VAC14: variants seen among roughly 807,000 people sequenced by gnomAD.
The protein encoded by VAC14 is VAC14 component of PIKFYVE complex, also known as protein VAC14 homolog.
A neutral mutation model predicts 85.3 loss-of-function variants in VAC14; 47 were observed. The observed-to-expected ratio is 0.55, with a 90% confidence interval of 0.44 to 0.70. VAC14 has a LOEUF of 0.70. VAC14 is among the 30% of genes least tolerant of loss of function. VAC14 has a pLI of 0.00. For missense variants in VAC14, 861 were observed against 1,004.3 expected (o/e 0.86, Z 1.93); for synonymous variants, 447 against 430.5 (o/e 1.04, Z -0.47).
intron 14 of VAC14, among the ~76,000 whole-genome samples, chr16:70,724,869 G>A (rs2054382952): frequency 1.3e-5 from 2 of 152,224 alleles, no homozygotes; most frequent in Non-Finnish European, 2.9e-5. Flanking sequence ...TCAGCTGGGG[G>A]CCCAATCGAT....
Position 70,800,912 on chromosome 16 carries a change from G to A in VAC14, c.-12C>T. 1.3e-6 allele frequency: 2 copies of A among 1,569,780 alleles called. No individual in the cohort carries two copies. The highest frequency in any genetic ancestry group is 1.7e-6 in the Non-Finnish European group (2 of 1,156,752). ...TTCTCGGGGTTCATGGTGGCAGCTG[G>A]GGGAACCTCGCGACTCCTTAGCCCG... On this transcript the variant is annotated 5_prime_UTR_variant, in exon 1 of 19. Transcript: ENST00000261776.
intron 10 of VAC14, chr16:70,769,917 C>T (rs1253355772): frequency 6.6e-6 from 1 of 152,320 alleles, no homozygotes; most frequent in Non-Finnish European, 1.5e-5. Flanking sequence ...TTTTAAATCC[C>T]AGATCAGATC....
At chr16:70,698,066 T>C (rs2053750029) in intron 15 of VAC14, among the ~76,000 whole-genome samples, 1 of 152,164 alleles carries the variant, frequency 6.6e-6, no homozygotes, top group Non-Finnish European at 1.5e-5. Flanking sequence ...GAGTGTCCTT[T>C]CTGCTCTCTC....
chr16:70,713,030 G>A (rs1355201431), intron 14 of VAC14, among the ~76,000 whole-genome samples: 1 of 152,140 alleles, frequency 6.6e-6, no homozygotes, highest in Non-Finnish European at 1.5e-5. Flanking sequence ...CAACAGCCAG[G>A]AAAAGGTATT....
intron 14 of VAC14, among the ~76,000 whole-genome samples, chr16:70,709,843 C>T (rs151037509): frequency 3.3e-5 from 5 of 152,180 alleles, no homozygotes; most frequent in Non-Finnish European, 5.9e-5. Context: ...TGATACATTC[C>T]CTGGCTGACA....
chr16:70,754,214 T>C (rs2031638944), intron 12 of VAC14, among the ~76,000 whole-genome samples: 1 of 152,164 alleles, frequency 6.6e-6, no homozygotes, highest in South Asian at 2.1e-4. Context: ...CTGGGGTGGC[T>C]GCTGTGGGCA....
At chr16:70,710,303 T>C (rs1307933704) in intron 14 of VAC14, among the ~76,000 whole-genome samples, 1 of 152,134 alleles carries the variant, frequency 6.6e-6, no homozygotes, top group East Asian at 1.9e-4. Flanking sequence ...CCCTGCAGCT[T>C]GTATGCCCAG....
At position 70,771,981 on chromosome 16, in the gene VAC14, C is replaced by T. The variant is rs374178361; in HGVS notation, c.1160+128G>A. On this transcript the variant is annotated intron_variant, in intron 10 of 18. Transcript: ENST00000261776. ...CTTCATCAATTAACTCTTTTGTGTACGAGGGTGTCCCAAAAGCAGCAGCCG... is the reference window on the plus strand; with the variant it reads ...CTTCATCAATTAACTCTTTTGTGTATGAGGGTGTCCCAAAAGCAGCAGCCG... The T allele has an allele frequency of 6.0e-4, 479 of 792,388 alleles. 3 individuals are homozygous for T. In the African/African-American group the frequency reaches 7.0e-3, roughly 12 times the overall value. The allele number at this position is 792,388 out of a possible 1,614,324, so 49.1% of individuals were successfully genotyped here.
intron 9 of VAC14, 146 bp from the exon 10 acceptor site, chr16:70,772,318 G>A: frequency 1.5e-6 from 1 of 654,416 alleles, no homozygotes; most frequent in East Asian, 2.7e-5. Context: ...CTGGAGCCCT[G>A]AGGACCCAAC....
chr16:70,710,049 C>T (rs1047943130), intron 14 of VAC14, among the ~76,000 whole-genome samples: 2 of 152,202 alleles, frequency 1.3e-5, no homozygotes, highest in African/African-American at 2.4e-5. Context: ...CACGAGGAGG[C>T]CGCCACCGCC....
chr16:70,794,930 A>G (rs760422891), intron 1 of VAC14, among the ~76,000 whole-genome samples: 5 of 152,264 alleles, frequency 3.3e-5, no homozygotes. Flanking sequence ...GTGGACCCGT[A>G]AGATGATAAT....
chr16:70,692,106 T>C, intron 18 of VAC14: 1 of 981,820 alleles, frequency 1.0e-6, no homozygotes, highest in Non-Finnish European at 1.2e-6. Context: ...AGGCAAAGCC[T>C]CCAAGGGTTA....
Position 70,743,756 on chromosome 16 carries a change from G to A in VAC14, c.1528+667C>T, listed in dbSNP as rs547585581. Among the ~76,000 whole-genome samples, 42 of 152,262 alleles carry A rather than the reference G, an allele frequency of 2.8e-4. 1 individual carries two copies. Among genetic ancestry groups the A allele is most frequent in the Middle Eastern group, 6.8e-3 (2 of 294 alleles). On this transcript the variant is annotated intron_variant, in intron 13 of 18. Coordinates refer to ENST00000261776, the MANE Select transcript of VAC14 (RefSeq NM_018052.5). Reference sequence around the variant, plus strand: ...TGTGGATGTCCAGAGGGGCGCAATGGACAGAGACCCCCATGGAGACACCTG... The same window carrying A: ...TGTGGATGTCCAGAGGGGCGCAATGAACAGAGACCCCCATGGAGACACCTG...
At chr16:70,749,916 G>A (rs2031241316) in intron 12 of VAC14, among the ~76,000 whole-genome samples, 4 of 152,262 alleles carry the variant, frequency 2.6e-5, no homozygotes, top group Admixed American at 2.6e-4. Flanking sequence ...GGCCCTGGGA[G>A]GCAACCTCAA....
At chr16:70,719,705 T>A (rs1458464911) in intron 14 of VAC14, among the ~76,000 whole-genome samples, 2 of 152,112 alleles carry the variant, frequency 1.3e-5, no homozygotes. Flanking sequence ...ATGGCTAAAA[T>A]CAAAGACTGA....
At chr16:70,799,887 G>T (rs1340006497) in intron 1 of VAC14, among the ~76,000 whole-genome samples, 1 of 152,232 alleles carries the variant, frequency 6.6e-6, no homozygotes, top group Non-Finnish European at 1.5e-5. Context: ...TGAAATACGG[G>T]TAGTGTGACT....
At chr16:70,785,271 G>A (rs1009087686) in intron 3 of VAC14, among the ~76,000 whole-genome samples, 5 of 152,288 alleles carry the variant, frequency 3.3e-5, no homozygotes, top group Non-Finnish European at 4.4e-5. Context: ...GGGCTGCTCC[G>A]CGCCTGGGAA....
chr16:70,717,265 G>A (rs1029767853), intron 14 of VAC14, among the ~76,000 whole-genome samples: 9 of 152,192 alleles, frequency 5.9e-5, no homozygotes, highest in African/African-American at 1.4e-4. Context: ...CGAGAGGGCC[G>A]GAGCGAGCCA....
At chr16:70,773,548 T>G (rs1256894047) in intron 9 of VAC14, among the ~76,000 whole-genome samples, 1 of 152,156 alleles carries the variant, frequency 6.6e-6, no homozygotes, top group Non-Finnish European at 1.5e-5. Flanking sequence ...CAGCTCTCAC[T>G]GCACTGAGGA....
Sources: allele counts gnomAD v4.1 joint callset (sites outside exome capture counted in the v4.1 genomes callset), GRCh38; gene constraint gnomAD v4.1.1; transcripts MANE v1.5; gene names NCBI Gene and HGNC (gene_info 2026-07-23, HGNC 2026-07-21).